The following ADAMTS17 variants were observed in gnomAD, a reference collection of about 807,000 sequenced individuals.
ADAMTS17 encodes ADAM metallopeptidase with thrombospondin type 1 motif 17, also known as A disintegrin and metalloproteinase with thrombospondin motifs 17.
ADAMTS17 carries 113 observed loss-of-function variants against 141.5 expected under a neutral mutation model. That is an observed-to-expected ratio of 0.80 (90% CI 0.69 to 0.93). The LOEUF (loss-of-function observed/expected upper bound fraction) is 0.93, where lower values mean the gene tolerates loss of function less well. ADAMTS17 is among the 40% of genes least tolerant of loss of function. ADAMTS17 has a pLI of 0.00. For missense variants in ADAMTS17, 1,659 were observed against 1,517.9 expected (o/e 1.09, Z -1.54); for synonymous variants, 768 against 630.6 (o/e 1.22, Z -3.27).
At chr15:100,072,444 G>A (rs1340444257) in intron 15 of ADAMTS17, among the ~76,000 whole-genome samples, 1 of 136,888 alleles carries the variant, frequency 7.3e-6, no homozygotes, top group African/African-American at 2.7e-5. Context: ...AGCCCGCATT[G>A]CCAAGTCAAT....
rs904336861 is a variant in ADAMTS17, at chr15:100,140,458, C to T, written c.1474-7143G>A. ...TAGTCCTGACTAACTCCAAGACACACACACACACACAGACACACACACATA... is the reference window on the plus strand; with the variant it reads ...TAGTCCTGACTAACTCCAAGACACATACACACACACAGACACACACACATA... On this transcript the variant is annotated intron_variant, in intron 10 of 21. Coordinates refer to ENST00000268070, the MANE Select transcript of ADAMTS17 (RefSeq NM_139057.4). Among the ~76,000 whole-genome samples, 5 of 137,030 alleles carry T rather than the reference C, an allele frequency of 3.6e-5. No homozygotes were observed. The Admixed American group carries it at 3.8e-4, about 11-fold the overall frequency. 89.9% of individuals were successfully genotyped at this position (137,030 alleles called of 152,430 possible).
In ADAMTS17 at chr15:100,034,620, G is replaced by A. The variant is rs781696833; in HGVS notation, c.2591+14237C>T. Among the ~76,000 whole-genome samples the A allele has an allele frequency of 4.4e-4, 67 of 152,216 alleles. 2 individuals are homozygous for A. Among genetic ancestry groups the A allele is most frequent in the Non-Finnish European group, 2.6e-4 (18 of 68,042 alleles). ...AGAACTGGTGTTTGTGACCTTGGCC[G>A]ACAAGCAGTCCCAGACAGTCCACTT... On this transcript the variant is annotated intron_variant, in intron 18 of 21. Coordinates refer to ENST00000268070, the MANE Select transcript of ADAMTS17 (RefSeq NM_139057.4).
intron 3 of ADAMTS17, among the ~76,000 whole-genome samples, chr15:100,313,718 A>G (rs1484687217): frequency 1.3e-5 from 2 of 151,938 alleles, no homozygotes; most frequent in African/African-American, 4.8e-5. Flanking sequence ...GGACACGTAC[A>G]CCCCAAATGT....
intron 3 of ADAMTS17, among the ~76,000 whole-genome samples, chr15:100,300,151 C>T (rs1182614944): frequency 1.3e-5 from 2 of 152,076 alleles, no homozygotes; most frequent in Non-Finnish European, 1.5e-5. Context: ...TCCAACATGC[C>T]CAGGGCTGTT....
chr15:100,052,092 CA>C (rs2032194057), intron 16 of ADAMTS17, among the ~76,000 whole-genome samples: 1 of 152,240 alleles, frequency 6.6e-6, no homozygotes, highest in South Asian at 2.1e-4. Flanking sequence ...CATGCTCACC[CA>C]CAAAGCTGCC....
intron 12 of ADAMTS17, among the ~76,000 whole-genome samples, chr15:100,122,097 A>G (rs2037481563): frequency 6.6e-6 from 1 of 152,116 alleles, no homozygotes; most frequent in Admixed American, 6.5e-5. Flanking sequence ...TCTGTCCTTC[A>G]CAGTAGCTGT....
intron 15 of ADAMTS17, among the ~76,000 whole-genome samples, chr15:100,055,464 C>G (rs559550977): frequency 6.6e-6 from 1 of 152,136 alleles, no homozygotes; most frequent in Non-Finnish European, 1.5e-5. Context: ...AACACACAGA[C>G]GCAGGCTCAG....
chr15:100,042,057 C>T (rs2031303740), intron 18 of ADAMTS17, among the ~76,000 whole-genome samples: 1 of 152,114 alleles, frequency 6.6e-6, no homozygotes, highest in Admixed American at 6.5e-5. Flanking sequence ...CAGGCTCTGT[C>T]CTCCACTCAT....
At chr15:100,172,809 G>A (rs1263363098) in intron 8 of ADAMTS17, among the ~76,000 whole-genome samples, 2 of 152,230 alleles carry the variant, frequency 1.3e-5, no homozygotes, top group Non-Finnish European at 2.9e-5. Flanking sequence ...CCAACTGCGA[G>A]GAGCACCCTT....
chr15:100,199,459 C>T (rs370037505), intron 7 of ADAMTS17, 36 bp from the exon 8 acceptor site: 906 of 1,583,622 alleles, frequency 5.7e-4, no homozygotes, highest in Admixed American at 1.6e-3. Context: ...CTCTTCAGAA[C>T]GTGGGAGGCC....
intron 21 of ADAMTS17, 52 bp from the exon 22 acceptor site, chr15:99,974,614 C>A (rs764344937): frequency 2.5e-6 from 4 of 1,610,796 alleles, no homozygotes. Flanking sequence ...CTAGGCATGT[C>A]CTGATGCAGG....
chr15:100,058,499 C>T (rs1200626605), intron 15 of ADAMTS17, among the ~76,000 whole-genome samples: 1 of 152,214 alleles, frequency 6.6e-6, no homozygotes, highest in Non-Finnish European at 1.5e-5. Context: ...TACCCCACTT[C>T]CATGCCAAAA....
chr15:100,089,119 C>A (rs967994151), intron 15 of ADAMTS17, among the ~76,000 whole-genome samples: 8 of 151,870 alleles, frequency 5.3e-5, no homozygotes, highest in Non-Finnish European at 8.8e-5. Context: ...CCAGAATCTA[C>A]AATGAACTCA....
At chr15:100,245,009 G>A (rs561767934) in intron 7 of ADAMTS17, among the ~76,000 whole-genome samples, 2 of 152,298 alleles carry the variant, frequency 1.3e-5, no homozygotes, top group African/African-American at 2.4e-5. Context: ...TGCATGACTA[G>A]AGTAAGAGCC....
intron 18 of ADAMTS17, among the ~76,000 whole-genome samples, chr15:100,035,222 C>G (rs888256367): frequency 6.6e-6 from 1 of 152,226 alleles, no homozygotes; most frequent in Non-Finnish European, 1.5e-5. Flanking sequence ...CATATTAGCT[C>G]TGACAGGCAG....
At chr15:100,062,344 G>GC (rs1246973851) in intron 15 of ADAMTS17, among the ~76,000 whole-genome samples, 4 of 152,184 alleles carry the variant, frequency 2.6e-5, no homozygotes, top group Non-Finnish European at 5.9e-5. Context: ...CTTGGGACAG[G>GC]GGGGGATCCA....
chr15:100,296,263 T>C (rs1037763697), intron 3 of ADAMTS17, among the ~76,000 whole-genome samples: 1 of 133,224 alleles, frequency 7.5e-6, no homozygotes, highest in Non-Finnish European at 1.6e-5. Flanking sequence ...TTGTGACCAC[T>C]TTTTTTTTTT....
At chr15:100,091,002 C>T (rs866803033) in intron 15 of ADAMTS17, among the ~76,000 whole-genome samples, 4 of 92,214 alleles carry the variant, frequency 4.3e-5, no homozygotes, top group Admixed American at 1.3e-4. Flanking sequence ...AGTGAGACTC[C>T]GTCTCAACAA....
intron 10 of ADAMTS17, among the ~76,000 whole-genome samples, chr15:100,136,811 G>T (rs374842071): frequency 6.6e-6 from 1 of 152,180 alleles, no homozygotes; most frequent in South Asian, 2.1e-4. Context: ...AAAAAATGGC[G>T]CAAAATAATG....
Sources: gnomAD v4.1 joint callset for allele counts (sites outside exome capture counted in the v4.1 genomes callset) on GRCh38, gnomAD v4.1.1 for gene constraint, MANE v1.5 for transcripts, NCBI Gene and HGNC (gene_info 2026-07-23, HGNC 2026-07-21) for gene names.